The following STXBP5L variants were observed in gnomAD, a reference collection of about 807,000 sequenced individuals.
STXBP5L encodes the protein syntaxin binding protein 5L, also known as syntaxin-binding protein 5-like.
STXBP5L carries 65 observed loss-of-function variants against 144.5 expected under a neutral mutation model. The ratio of observed to expected loss-of-function variants is 0.45; its 90% confidence interval spans 0.37 to 0.55. STXBP5L has a LOEUF of 0.55. Ranked by LOEUF, STXBP5L falls within the 20% of genes least tolerant of loss-of-function variation. The pLI is 0.00. For missense variants in STXBP5L, 1,298 were observed against 1,405.5 expected, an observed-to-expected ratio of 0.92 and a Z score of 1.22; for synonymous variants, 505 against 469.6, an observed-to-expected ratio of 1.08 and a Z score of -0.97.
chr3:121,333,350 A>G (rs1057240260), intron 20 of STXBP5L, among the ~76,000 whole-genome samples: 2 of 152,184 alleles, frequency 1.3e-5, no homozygotes, highest in Non-Finnish European at 2.9e-5. Flanking sequence ...ACAACATACC[A>G]GAATCTCTGG....
At chr3:121,091,348 C>T (rs1348066905) in intron 5 of STXBP5L, among the ~76,000 whole-genome samples, 3 of 149,206 alleles carry the variant, frequency 2.0e-5, no homozygotes, top group African/African-American at 7.5e-5. Flanking sequence ...CCTGAGGAAT[C>T]GCCACACTGA....
At chr3:121,298,112 T>A (rs2051732543) in intron 19 of STXBP5L, among the ~76,000 whole-genome samples, 1 of 152,196 alleles carries the variant, frequency 6.6e-6, no homozygotes, top group Admixed American at 6.5e-5. Context: ...GCACAATGAT[T>A]CCAATTTCTC....
chr3:121,367,665 C>T (rs2045904700), intron 20 of STXBP5L, among the ~76,000 whole-genome samples: 1 of 140,924 alleles, frequency 7.1e-6, no homozygotes, highest in South Asian at 2.3e-4. Context: ...ATGTAGTGGC[C>T]TGATTGATCA....
chr3:120,927,389 A>G (rs2107606198), intron 2 of STXBP5L, among the ~76,000 whole-genome samples: 1 of 152,362 alleles, frequency 6.6e-6, no homozygotes, highest in Admixed American at 6.5e-5. Context: ...GTTACAGAGC[A>G]GAATTTCCAA....
chr3:120,992,281 A>C (rs997891110), intron 3 of STXBP5L, among the ~76,000 whole-genome samples: 42 of 152,110 alleles, frequency 2.8e-4, no homozygotes, highest in African/African-American at 9.7e-4. Flanking sequence ...TCAAGTGTTT[A>C]TTATTTATAT....
intron 20 of STXBP5L, among the ~76,000 whole-genome samples, chr3:121,367,052 AGTT>A (rs1315091307): frequency 6.6e-6 from 1 of 152,170 alleles, no homozygotes; most frequent in Non-Finnish European, 1.5e-5. Flanking sequence ...CACTTCTTTC[AGTT>A]GTTTATGTTC....
intron 3 of STXBP5L, among the ~76,000 whole-genome samples, chr3:120,969,007 T>C (rs1169274708): frequency 6.6e-6 from 1 of 152,156 alleles, no homozygotes; most frequent in Non-Finnish European, 1.5e-5. Context: ...TAAACGTGTG[T>C]GCATGCATCT....
At chr3:121,107,577 G>C (rs2043774155) in intron 5 of STXBP5L, among the ~76,000 whole-genome samples, 1 of 151,538 alleles carries the variant, frequency 6.6e-6, no homozygotes, top group African/African-American at 2.4e-5. Context: ...TGGTGTGTCT[G>C]TTTTGGTACC....
At chr3:121,299,652 C>T (rs116050986) in intron 19 of STXBP5L, among the ~76,000 whole-genome samples, 1 of 152,010 alleles carries the variant, frequency 6.6e-6, no homozygotes, top group African/African-American at 2.4e-5. Flanking sequence ...TGAAAAACAT[C>T]AACTTAAAGA....
intron 3 of STXBP5L, among the ~76,000 whole-genome samples, chr3:120,983,775 C>G (rs1360347878): frequency 6.6e-6 from 1 of 152,196 alleles, no homozygotes; most frequent in African/African-American, 2.4e-5. Context: ...CAGTAGGCTG[C>G]TTGGATTCAT....
chr3:121,148,243 T>C (rs1416457523), intron 7 of STXBP5L, among the ~76,000 whole-genome samples: 1 of 152,120 alleles, frequency 6.6e-6, no homozygotes, highest in Non-Finnish European at 1.5e-5. Context: ...ACAAAATTGA[T>C]GCATCTCTGG....
chr3:121,087,430 TC>T (rs2042551315), intron 5 of STXBP5L, among the ~76,000 whole-genome samples: 1 of 152,064 alleles, frequency 6.6e-6, no homozygotes, highest in Non-Finnish European at 1.5e-5. Flanking sequence ...TTATTTGGTG[TC>T]CCTCTCTATC....
At chr3:121,235,318 TTCTTTTTA>T (rs1167729800) in intron 12 of STXBP5L, among the ~76,000 whole-genome samples, 5 of 152,104 alleles carry the variant, frequency 3.3e-5, no homozygotes, top group Admixed American at 2.0e-4. Context: ...TTCAATTTTT[TTCTTTTTA>T]TCTTTTTCTT....
chr3:121,087,271 A>G (rs1020779954), intron 5 of STXBP5L, among the ~76,000 whole-genome samples: 1 of 152,028 alleles, frequency 6.6e-6, no homozygotes, highest in Non-Finnish European at 1.5e-5. Context: ...AATTGCTGAG[A>G]GAGAGGTATT....
At chr3:121,006,012 A>G (rs553062181) in intron 3 of STXBP5L, among the ~76,000 whole-genome samples, 37 of 152,306 alleles carry the variant, frequency 2.4e-4, no homozygotes, top group African/African-American at 8.4e-4. Context: ...GTGGTGCTGA[A>G]AAGAATGTGT....
At chr3:121,280,765 T>C (rs1022174206) in intron 19 of STXBP5L, among the ~76,000 whole-genome samples, 1 of 151,768 alleles carries the variant, frequency 6.6e-6, no homozygotes, top group African/African-American at 2.4e-5. Flanking sequence ...AGTGTTATTT[T>C]AGACAGTCCT....
intron 22 of STXBP5L, among the ~76,000 whole-genome samples, chr3:121,406,789 A>G (rs2108741754): frequency 6.6e-6 from 1 of 152,154 alleles, no homozygotes; most frequent in Non-Finnish European, 1.5e-5. Context: ...ATCAAATAAG[A>G]TTGTGTGATT....
At chr3:121,418,083 GCAATTATGCC>G (rs2047280645) in intron 25 of STXBP5L, among the ~76,000 whole-genome samples, 2 of 152,296 alleles carry the variant, frequency 1.3e-5, no homozygotes, top group South Asian at 4.1e-4. Context: ...ATCAAGAAAT[GCAATTATGCC>G]ATATTGTATG....
At chr3:120,969,910 C>T (rs971456906) in intron 3 of STXBP5L, among the ~76,000 whole-genome samples, 7 of 152,076 alleles carry the variant, frequency 4.6e-5, no homozygotes, top group African/African-American at 1.7e-4. Context: ...AAGTGAATTT[C>T]TCTGGTAGTA....
Sources: allele counts gnomAD v4.1 joint callset (sites outside exome capture counted in the v4.1 genomes callset), GRCh38; gene constraint gnomAD v4.1.1; transcripts MANE v1.5; gene names NCBI Gene and HGNC (gene_info 2026-07-23, HGNC 2026-07-21).